Variants in CADPS2 observed in about 807,000 individuals in gnomAD.
The protein encoded by CADPS2 is calcium dependent secretion activator 2, also known as calcium-dependent secretion activator 2.
CADPS2 carries 93 observed loss-of-function variants against 172.5 expected under a neutral mutation model. The observed-to-expected ratio is 0.54, with a 90% CI of 0.46 to 0.64. The LOEUF is 0.64. Among genes scored for constraint, CADPS2 ranks in the 30% least tolerant of loss-of-function variants. The pLI, the probability that CADPS2 is intolerant of heterozygous loss-of-function variation, is 0.00. For synonymous variants in CADPS2, 546 were observed against 555.2 expected, an observed-to-expected ratio of 0.98 and a Z score of 0.23; for missense variants, 1,420 against 1,565.9, an observed-to-expected ratio of 0.91 and a Z score of 1.57.
At chr7:122,665,500 TATC>T (rs1389336190) in intron 2 of CADPS2, among the ~76,000 whole-genome samples, 1 of 152,278 alleles carries the variant, frequency 6.6e-6, no homozygotes, top group East Asian at 1.9e-4. Context: ...AAGTTAAAAA[TATC>T]ATGTCAAAAA....
intron 1 of CADPS2, among the ~76,000 whole-genome samples, chr7:122,877,685 CAG>C (rs368690671): frequency 2.4e-4 from 36 of 152,130 alleles, no homozygotes; most frequent in African/African-American, 8.4e-4. Context: ...CAAAAAGTTA[CAG>C]AGTCTTGACT....
intron 1 of CADPS2, among the ~76,000 whole-genome samples, chr7:122,756,823 C>G (rs149383812): frequency 0.015 from 2,213 of 152,102 alleles, 52 homozygotes; most frequent in African/African-American, 0.051. Flanking sequence ...TTGCTTGAAC[C>G]TGGGAGGCAG....
intron 1 of CADPS2, among the ~76,000 whole-genome samples, chr7:122,877,992 C>T (rs1189561094): frequency 6.9e-6 from 1 of 145,668 alleles, no homozygotes; most frequent in African/African-American, 2.6e-5. Context: ...TATACTACTG[C>T]ACTATTTTTA....
Position 122,438,435 on chromosome 7 carries a change from T to C in CADPS2, c.2382A>G (p.Ile794Met). The C allele has an allele frequency of 6.2e-7, 1 of 1,612,942 alleles. No homozygotes were observed. The highest frequency in any genetic ancestry group is 8.5e-7 in the Non-Finnish European group (1 of 1,179,326). Residue 794 changes from isoleucine (I) to methionine (M), a missense_variant, in exon 17 of 30, where the codon ATA becomes ATG. Physicochemically the swap from Ile to Met is conservative, Grantham distance 10. Coordinates refer to ENST00000449022, the MANE Select transcript of CADPS2 (RefSeq NM_017954.11). ...CCACTTTCTTCACCTCTTCTGCTGG[T>C]ATGGGAGTGGCAATATCTTTCATTA... ...RVLMKDIATP[I>M]PAEEVKKVVR...
chr7:122,675,828 G>A (rs1248526580), intron 2 of CADPS2, among the ~76,000 whole-genome samples: 1 of 151,980 alleles, frequency 6.6e-6, no homozygotes, highest in Non-Finnish European at 1.5e-5. Flanking sequence ...GGGGGCGCTG[G>A]GGGTTAAAGG....
intron 2 of CADPS2, among the ~76,000 whole-genome samples, chr7:122,669,185 G>T (rs1458638236): frequency 6.6e-6 from 1 of 151,930 alleles, no homozygotes; most frequent in Non-Finnish European, 1.5e-5. Flanking sequence ...CAAAAAATTA[G>T]CCGGGTGTAG....
chr7:122,398,626 A>G (rs932862439), intron 20 of CADPS2, among the ~76,000 whole-genome samples: 27 of 152,200 alleles, frequency 1.8e-4, no homozygotes, highest in African/African-American at 6.0e-4. Context: ...ATGTTGACAA[A>G]TGCATATAAT....
intron 22 of CADPS2, among the ~76,000 whole-genome samples, chr7:122,390,705 T>C (rs1025764859): frequency 6.6e-6 from 1 of 152,130 alleles, no homozygotes; most frequent in Non-Finnish European, 1.5e-5. Flanking sequence ...GTGTTTGTTA[T>C]AATTAGATAG....
At chr7:122,708,582 TCTTAG>T (rs2136597872) in intron 2 of CADPS2, among the ~76,000 whole-genome samples, 1 of 137,766 alleles carries the variant, frequency 7.3e-6, no homozygotes, top group East Asian at 2.1e-4. Context: ...TCTTCCTTGC[TCTTAG>T]CAATCATAAA....
intron 27 of CADPS2, among the ~76,000 whole-genome samples, chr7:122,350,422 T>C (rs573530822): frequency 6.6e-6 from 1 of 152,332 alleles, no homozygotes; most frequent in South Asian, 2.1e-4. Flanking sequence ...TCAATTTCTG[T>C]ATTTTTATAT....
chr7:122,635,008 A>G (rs187790779), intron 3 of CADPS2, among the ~76,000 whole-genome samples: 8 of 152,306 alleles, frequency 5.3e-5, no homozygotes, highest in Admixed American at 3.9e-4. Flanking sequence ...CCTGTCGTCC[A>G]AAAGGATGCT....
intron 12 of CADPS2, chr7:122,480,044 G>A: frequency 4.3e-6 from 2 of 466,992 alleles, no homozygotes; most frequent in Admixed American, 4.7e-5. Flanking sequence ...TGGTTGGAGA[G>A]AACAAAGTAC....
In CADPS2 at chr7:122,864,570, C is replaced by G. The variant is rs542703135; in HGVS notation, c.339+21429G>C. ...AGAAAAGCAAGTACCTTACCTAGGG[C>G]TGGAACTATTACAGCAAGAAAGAAA... On this transcript the variant is annotated intron_variant, in intron 1 of 29. Coordinates refer to ENST00000449022, the MANE Select transcript of CADPS2 (RefSeq NM_017954.11). Among the ~76,000 whole-genome samples the G allele has an allele frequency of 9.9e-5, 15 of 152,162 alleles. No individual in the cohort carries two copies. In the South Asian group the frequency reaches 3.1e-3, roughly 32 times the overall value.
chr7:122,768,264 G>A (rs1371635804), intron 1 of CADPS2, among the ~76,000 whole-genome samples: 1 of 152,080 alleles, frequency 6.6e-6, no homozygotes, highest in Non-Finnish European at 1.5e-5. Flanking sequence ...TTTCCTAATT[G>A]CTACTTTAGA....
At chr7:122,501,469 G>C (rs1014467673) in intron 9 of CADPS2, among the ~76,000 whole-genome samples, 1 of 152,080 alleles carries the variant, frequency 6.6e-6, no homozygotes, top group East Asian at 1.9e-4. Context: ...CTAGCATTGA[G>C]AGACAAGGTC....
intron 2 of CADPS2, among the ~76,000 whole-genome samples, chr7:122,710,306 A>C (rs997435838): frequency 6.6e-6 from 1 of 152,078 alleles, no homozygotes; most frequent in Non-Finnish European, 1.5e-5. Context: ...TTGTTATATA[A>C]TTTAATCCCT....
intron 1 of CADPS2, among the ~76,000 whole-genome samples, chr7:122,826,933 G>A (rs1805070992): frequency 6.6e-6 from 1 of 151,880 alleles, no homozygotes; most frequent in Non-Finnish European, 1.5e-5. Flanking sequence ...ATAAACATAA[G>A]AACGTAAATC....
chr7:122,615,427 C>T, intron 5 of CADPS2, 128 bp from the exon 6 acceptor site: 3 of 499,696 alleles, frequency 6.0e-6, no homozygotes, highest in Non-Finnish European at 1.1e-5. Context: ...TTGTTAACAT[C>T]ACTGGTATTT....
chr7:122,702,515 T>G (rs768470171), intron 2 of CADPS2: 3 of 1,613,576 alleles, frequency 1.9e-6, no homozygotes, highest in African/African-American at 2.7e-5. Flanking sequence ...ATTCCATCCT[T>G]CAGGAAGTGC....
Sources: allele counts gnomAD v4.1 joint callset (sites outside exome capture counted in the v4.1 genomes callset), GRCh38; gene constraint gnomAD v4.1.1; transcripts MANE v1.5; gene names NCBI Gene and HGNC (gene_info 2026-07-23, HGNC 2026-07-21).